Variants in VWF observed in about 807,000 individuals in gnomAD.
The protein encoded by VWF is von Willebrand factor.
Under a neutral mutation model 308.6 loss-of-function variants are expected in VWF, and 176 were observed. That is an observed-to-expected ratio of 0.57 (90% confidence interval 0.50 to 0.65). The LOEUF is 0.65. VWF is among the 30% of genes least tolerant of loss of function. The probability of loss-of-function intolerance (pLI) is 0.00; values close to 1 mark genes in which losing one functional copy is unlikely to be tolerated. For missense variants in VWF, 3,146 were observed against 3,648.2 expected, an observed-to-expected ratio of 0.86 and a Z score of 3.55; for synonymous variants, 1,385 against 1,443.4, an observed-to-expected ratio of 0.96 and a Z score of 0.92.
intron 47 of VWF, among the ~76,000 whole-genome samples, chr12:5,960,356 T>G (rs2136346192): frequency 6.6e-6 from 1 of 152,204 alleles, no homozygotes; most frequent in Admixed American, 6.5e-5. Context: ...AAAGTTGAAT[T>G]TTATATATAA....
At chr12:6,100,065 G>A (rs1463013846) in intron 5 of VWF, among the ~76,000 whole-genome samples, 10 of 151,820 alleles carry the variant, frequency 6.6e-5, no homozygotes, top group South Asian at 2.1e-4. Flanking sequence ...AAACAACCCC[G>A]TCAAAAAGTG....
At position 6,064,325 on chromosome 12, in the gene VWF, C is replaced by T; in HGVS notation, c.1353G>A (p.Leu451=). ...TRSVTVRLPG[L]HNSLVKLKHG... Reference sequence around the variant, plus strand: ...GCTTCAGTTTCACAAGGCTGTTGTGCAGGCCAGGCAGCCGGACGGTGACGG... The same window carrying T: ...GCTTCAGTTTCACAAGGCTGTTGTGTAGGCCAGGCAGCCGGACGGTGACGG... The change falls in exon 12 of 52, where the codon CTG becomes CTA. Residue 451 remains leucine, a synonymous_variant. Transcript: ENST00000261405. 1 of 1,614,180 alleles carries T rather than the reference C, an allele frequency of 6.2e-7. No homozygotes were observed. Among genetic ancestry groups the T allele is most frequent in the Non-Finnish European group, 8.5e-7 (1 of 1,180,040 alleles).
intron 49 of VWF, chr12:5,952,175 C>T (rs7961998): frequency 0.054 from 38,641 of 710,686 alleles, 1,345 homozygotes; most frequent in South Asian, 0.12. Flanking sequence ...CACACTCAGC[C>T]TCCCTTAAGG....
chr12:6,117,689 C>T (rs1042701141), intron 3 of VWF, among the ~76,000 whole-genome samples: 10 of 152,190 alleles, frequency 6.6e-5, no homozygotes, highest in African/African-American at 2.4e-4. Context: ...GTGGCGCACG[C>T]CTGTAATCCC....
chr12:6,102,652 A>G (rs1485784781), intron 5 of VWF, among the ~76,000 whole-genome samples: 2 of 148,126 alleles, frequency 1.4e-5, no homozygotes. Flanking sequence ...GGAGAATGGC[A>G]TGAACCTGGG....
In VWF at chr12:6,121,419, G is replaced by A. The variant is rs1945430456; in HGVS notation, c.56-81C>T. The stretch of plus-strand genomic sequence containing the variant: ...CAGCTCAAACCTCTCTGGCCTCGTA[G>A]AAATTAGACTGCCTCTGATAGAAAC... On this transcript the variant is annotated intron_variant, in intron 2 of 51. Transcript: ENST00000261405. 3 of 1,527,498 alleles carry A rather than the reference G, an allele frequency of 2.0e-6. No homozygotes were observed. The South Asian group carries it at 3.5e-5, about 18-fold the overall frequency. 94.6% of individuals were successfully genotyped at this position (1,527,498 alleles called of 1,614,324 possible). A position where few individuals can be genotyped will look rare whatever the true frequency, so the allele number is the denominator to read the frequency against.
At chr12:5,961,318 T>C (rs1943312383) in intron 47 of VWF, among the ~76,000 whole-genome samples, 1 of 152,180 alleles carries the variant, frequency 6.6e-6, no homozygotes, top group African/African-American at 2.4e-5. Context: ...AAAACTGTCT[T>C]CCACGAAACT....
intron 34 of VWF, among the ~76,000 whole-genome samples, chr12:6,006,312 C>G (rs181097317): frequency 6.6e-6 from 1 of 152,010 alleles, no homozygotes; most frequent in Admixed American, 6.5e-5. Flanking sequence ...ATCAATGAAA[C>G]ACAAAGAAGG....
chr12:6,063,048 A>T lies in VWF; in HGVS notation c.1439T>A (p.Leu480His), dbSNP rs1443005850. ...DVQLPLLKGDLRIQHTVTASV... is the reference protein window; with the variant it reads ...DVQLPLLKGDHRIQHTVTASV... Reference sequence around the variant, plus strand: ...GGCCGTCACTGTATGCTGGATGCGGAGGTCACCTGGAACCCAGCAGGACAG... The same window carrying T: ...GGCCGTCACTGTATGCTGGATGCGGTGGTCACCTGGAACCCAGCAGGACAG... Residue 480 changes from leucine (L) to histidine (H), a missense_variant, in exon 13 of 52, where the codon CTC (leucine) becomes CAC (histidine). Physicochemically the swap from Leu to His is moderately conservative, Grantham distance 99. This residue lies in a region of VWF where 1,304 missense variants were observed against 1,353.0 expected (regional missense o/e 0.96). Coordinates refer to ENST00000261405, the MANE Select transcript of VWF (RefSeq NM_000552.5). This position sits in a 1 kb window ranked among gnomAD's most constrained non-coding sequence, Gnocchi z 4.9. 1 of 1,613,098 alleles carries T rather than the reference A, an allele frequency of 6.2e-7. No individual in the cohort carries two copies. Among genetic ancestry groups the T allele is most frequent in the Non-Finnish European group, 8.5e-7 (1 of 1,179,954 alleles).
intron 5 of VWF, 79 bp downstream of exon 5, chr12:6,110,295 C>T (rs1945292001): frequency 9.7e-6 from 14 of 1,448,992 alleles, no homozygotes; most frequent in Admixed American, 3.3e-5. Flanking sequence ...CCAGGGAAGG[C>T]ATGTTAGTGA....
intron 16 of VWF, among the ~76,000 whole-genome samples, chr12:6,049,161 C>T (rs1265462112): frequency 2.0e-5 from 3 of 152,296 alleles, no homozygotes; most frequent in East Asian, 1.9e-4. Context: ...CCTGCTCCAG[C>T]GAGGCTCATT....
rs781645249 is a variant in VWF at position 6,110,834 on chromosome 12, G to C, written c.323+32C>G. 3 of 1,600,940 alleles carry C rather than the reference G, an allele frequency of 1.9e-6. No homozygotes were observed. In the Admixed American group the frequency reaches 5.0e-5, roughly 27 times the overall value. ...GGGGGTTGTGTCAGGGGATCCCTAG[G>C]GTCCTTTCTAACTCAGACATTGTTG... On this transcript the variant is annotated intron_variant, in intron 4 of 51. Coordinates refer to ENST00000261405, the MANE Select transcript of VWF (RefSeq NM_000552.5).
intron 4 of VWF, 55 bp downstream of exon 4, chr12:6,110,811 G>T: frequency 1.3e-6 from 2 of 1,555,608 alleles, no homozygotes; most frequent in Non-Finnish European, 1.8e-6. Flanking sequence ...AAAAATGAGG[G>T]GGTTGTGTCA....
chr12:6,052,968 C>T (rs1276081899), intron 15 of VWF, among the ~76,000 whole-genome samples, 185 bp from the exon 16 acceptor site: 1 of 152,156 alleles, frequency 6.6e-6, no homozygotes, highest in East Asian at 1.9e-4. Flanking sequence ...ACCCTTTACC[C>T]AGTTTTCCCC....
At chr12:6,092,618 A>AGAGAGAGAGAGAGAGTGTGTGT (rs1301391895) in intron 6 of VWF, among the ~76,000 whole-genome samples, 2 of 66,150 alleles carry the variant, frequency 3.0e-5, no homozygotes, top group Admixed American at 1.3e-4. Flanking sequence ...AGTGAGTGAG[A>AGAGAGAGAGAGAGAGTGTGTGT]GTGTGTGTGT....
chr12:6,092,869 C>T (rs1225478757), intron 6 of VWF, among the ~76,000 whole-genome samples: 1 of 152,018 alleles, frequency 6.6e-6, no homozygotes, highest in Non-Finnish European at 1.5e-5. Context: ...TGTTTGCTTA[C>T]TGTATATGCA....
At chr12:6,092,603 T>TAGTTAGTTAGTTAGTG (rs1555073670) in intron 6 of VWF, among the ~76,000 whole-genome samples, 1 of 65,368 alleles carries the variant, frequency 1.5e-5, no homozygotes, top group African/African-American at 6.6e-5. Flanking sequence ...CCCAGCTAGT[T>TAGTTAGTTAGTTAGTG]AGTGAGTGAG....
At chr12:6,010,939 G>A (rs1027803129) in intron 34 of VWF, among the ~76,000 whole-genome samples, 2 of 152,160 alleles carry the variant, frequency 1.3e-5, no homozygotes, top group African/African-American at 4.8e-5. Context: ...CTAAAGTCTG[G>A]TGGAGTTTTC....
chr12:5,975,884 C>T (rs1943527125), intron 43 of VWF, among the ~76,000 whole-genome samples: 1 of 152,204 alleles, frequency 6.6e-6, no homozygotes, highest in Non-Finnish European at 1.5e-5. Context: ...TCTTCCTCAC[C>T]CCTAGCCTTG....
Sources: allele counts gnomAD v4.1 joint callset (sites outside exome capture counted in the v4.1 genomes callset), GRCh38; gene constraint gnomAD v4.1.1; regional missense constraint gnomAD v4.1.1; non-coding constraint Gnocchi (gnomAD v3.1); transcripts MANE v1.5; gene names NCBI Gene and HGNC (gene_info 2026-07-23, HGNC 2026-07-21).